The following ETS2 variants were observed in gnomAD, a reference collection of about 807,000 sequenced individuals.
ETS2 encodes the protein protein C-ets-2.
In ETS2, 19 loss-of-function variants were observed where a neutral mutation model predicts 54.9. The ratio of observed to expected loss-of-function variants is 0.35; its 90% CI spans 0.24 to 0.51. The LOEUF (loss-of-function observed/expected upper bound fraction) is 0.51, where lower values mean the gene tolerates loss of function less well. Among genes scored for constraint, ETS2 ranks in the 20% least tolerant of loss-of-function variants. The probability of loss-of-function intolerance (pLI) is 0.97; values close to 1 mark genes in which losing one functional copy is unlikely to be tolerated. For synonymous variants in ETS2, 219 were observed against 229.3 expected (o/e 0.95, Z 0.41); for missense variants, 417 against 593.0 (o/e 0.70, Z 3.08).
rs1442422381 is a variant in ETS2, at chr21:38,806,510, G to C, written c.-1+390G>C. ...GATGTCCCGGCGAACATGATTTCGC[G>C]AACGGGAGTGGGGGCACAGGAGAGC... On this transcript the variant is annotated intron_variant, in intron 1 of 9. Transcript: ENST00000360938. The surrounding 1 kb of genome is among the most constrained non-coding windows in gnomAD (Gnocchi z 4.3). The C allele has an allele frequency of 1.8e-5, 18 of 985,406 alleles. No individual in the cohort carries two copies. The highest frequency in any genetic ancestry group is 2.0e-5 in the Non-Finnish European group (17 of 830,010). 61.0% of individuals were successfully genotyped at this position (985,406 alleles called of 1,614,324 possible).
Position 38,824,173 on chromosome 21 carries a change from G to A in ETS2, c.*1284G>A, listed in dbSNP as rs1379853161. On this transcript the variant is annotated 3_prime_UTR_variant, in exon 10 of 10. Coordinates refer to ENST00000360938, the MANE Select transcript of ETS2 (RefSeq NM_005239.6). ...GTCTTGATGAAACCTCTTGAACGAA[G>A]CACAGTTTGTCCCATCTTTGTTCAC... The A allele has an allele frequency of 6.6e-6, 1 of 152,648 alleles. No homozygotes were observed. The highest frequency in any genetic ancestry group is 1.5e-5 in the Non-Finnish European group (1 of 68,076). 9.5% of individuals were successfully genotyped at this position (152,648 alleles called of 1,614,324 possible).
In ETS2 at chr21:38,817,049, C is replaced by T; in HGVS notation, c.547C>T (p.His183Tyr). Residue 183 changes from histidine (H) to tyrosine (Y), a missense_variant, in exon 6 of 10, where the codon CAC (histidine) becomes TAC (tyrosine). His to Tyr is a moderately conservative substitution (Grantham distance 83). Transcript: ENST00000360938. The stretch of plus-strand genomic sequence containing the variant: ...AGAAGATCAATATGAAGAAAATTCA[C>T]ACCTCACCTCCGTTCCTCATTGGAT... ...KTEDQYEENS[H>Y]LTSVPHWINS... 1 of 1,613,024 alleles carries T rather than the reference C, an allele frequency of 6.2e-7. No individual in the cohort carries two copies. Among genetic ancestry groups the T allele is most frequent in the Non-Finnish European group, 8.5e-7 (1 of 1,179,016 alleles).
At chr21:38,805,230 G>A (rs2060886694), upstream of ETS2, 4 of 816,382 alleles carry the variant, frequency 4.9e-6, no homozygotes, top group South Asian at 5.6e-5. This position sits in a 1 kb window ranked among gnomAD's most constrained non-coding sequence, Gnocchi z 5.2. Context: ...GGAGCAGCGC[G>A]ATCAGCACCA....
chr21:38,807,349 G>C (rs1202440172), intron 1 of ETS2, among the ~76,000 whole-genome samples: 4 of 149,384 alleles, frequency 2.7e-5, no homozygotes, highest in Non-Finnish European at 4.4e-5. Context: ...TAAGGGTACT[G>C]TTGTCAGGCA....
In ETS2 at chr21:38,814,696, G is replaced by C; in HGVS notation, c.305-85G>C. 8.2e-7 allele frequency: 1 copy of C among 1,223,030 alleles called. No homozygotes were observed. Among genetic ancestry groups the C allele is most frequent in the Non-Finnish European group, 1.2e-6 (1 of 840,202 alleles). The allele number at this position is 1,223,030 out of a possible 1,614,324, so 75.8% of individuals were successfully genotyped here. A position where few individuals can be genotyped will look rare whatever the true frequency, so the allele number is the denominator to read the frequency against. On this transcript the variant is annotated intron_variant, in intron 4 of 9. Coordinates refer to ENST00000360938, the MANE Select transcript of ETS2 (RefSeq NM_005239.6). This position sits in a 1 kb window ranked among gnomAD's most constrained non-coding sequence, Gnocchi z 4.2. ...GGGTTCTGGTGTATGTCGGTACTTG[G>C]TGCATAAATTAGGGATGACAGTGGT...
intron 1 of ETS2, among the ~76,000 whole-genome samples, chr21:38,807,096 C>T (rs2060896570): frequency 6.6e-6 from 1 of 152,164 alleles, no homozygotes; most frequent in South Asian, 2.1e-4. Flanking sequence ...TAAATCTCCA[C>T]GTTAAGCTTT....
chr21:38,810,155 C>A, intron 2 of ETS2, 49 bp downstream of exon 2: 1 of 1,176,472 alleles, frequency 8.5e-7, no homozygotes, highest in Non-Finnish European at 1.2e-6. Flanking sequence ...AACTCGATCT[C>A]TAGGAGGAAA....
At position 38,819,677 on chromosome 21, in the gene ETS2, T is replaced by A. The variant is rs759798841; in HGVS notation, c.986T>A (p.Met329Lys). ...SQSLCLNKPT[M>K]SFKDYIQERS... ...TCTCTCTGCCTCAATAAGCCAACCATGTCTTTCAAGGATTACATCCAAGAG... is the reference window on the plus strand; with the variant it reads ...TCTCTCTGCCTCAATAAGCCAACCAAGTCTTTCAAGGATTACATCCAAGAG... Residue 329 changes from methionine (M) to lysine (K), a missense_variant, in exon 8 of 10, where the codon ATG becomes AAG. Met to Lys is a moderately conservative substitution (Grantham distance 95, BLOSUM62 -1). Transcript: ENST00000360938. 8 of 1,613,992 alleles carry A rather than the reference T, an allele frequency of 5.0e-6. No individual in the cohort carries two copies. Among genetic ancestry groups the A allele is most frequent in the Middle Eastern group, 1.6e-4 (1 of 6,084 alleles).
chr21:38,816,962 T>G (rs755794929), intron 5 of ETS2, 46 bp from the exon 6 acceptor site: 1 of 1,038,198 alleles, frequency 9.6e-7, no homozygotes, highest in Non-Finnish European at 1.5e-6. Context: ...TCTGTGTAGT[T>G]TTCACCTACA....
At chr21:38,810,260 G>A (rs766133833) in intron 2 of ETS2, among the ~76,000 whole-genome samples, 154 bp downstream of exon 2, 19 of 152,108 alleles carry the variant, frequency 1.2e-4, no homozygotes, top group Non-Finnish European at 2.6e-4. Context: ...ACTTGCTCTG[G>A]TCCTCAGTTT....
intron 5 of ETS2, 68 bp downstream of exon 5, chr21:38,815,049 G>T: frequency 6.7e-7 from 1 of 1,489,290 alleles, no homozygotes; most frequent in Non-Finnish European, 9.3e-7. Flanking sequence ...GATTGGGAAA[G>T]TCACGTGGGT....
Position 38,806,350 on chromosome 21 carries a change from CG to C in ETS2, c.-1+236del, listed in dbSNP as rs993688822. 4.7e-5 allele frequency: 46 copies of C among 976,876 alleles called. No individual in the cohort carries two copies. In the African/African-American group the frequency reaches 6.5e-4, roughly 14 times the overall value. The allele number at this position is 976,876 out of a possible 1,614,324, so 60.5% of individuals were successfully genotyped here. On this transcript the variant is annotated intron_variant, in intron 1 of 9. Transcript: ENST00000360938. The surrounding 1 kb of genome is among the most constrained non-coding windows in gnomAD (Gnocchi z 4.3). ...GGCCTCCGGGGCTGGCGGGGTCGGC[CG>C]GGGGGTTCCTGCGTGCTAGGGCCGC...
chr21:38,805,771 C>T (rs1010076719), upstream of ETS2: 6 of 793,372 alleles, frequency 7.6e-6, no homozygotes, highest in African/African-American at 1.9e-5. The surrounding 1 kb of genome is among the most constrained non-coding windows in gnomAD (Gnocchi z 5.2). Context: ...TCCTGCCTAC[C>T]TCCCTTCCCC....
In ETS2 at chr21:38,822,980, A is replaced by G; in HGVS notation, c.*91A>G. The G allele has an allele frequency of 1.9e-6, 2 of 1,064,848 alleles. No individual in the cohort carries two copies. The highest frequency in any genetic ancestry group is 2.6e-6 in the Non-Finnish European group (2 of 771,118). The allele number at this position is 1,064,848 out of a possible 1,614,324, so 66.0% of individuals were successfully genotyped here. A position where few individuals can be genotyped will look rare whatever the true frequency, so the allele number is the denominator to read the frequency against. On this transcript the variant is annotated 3_prime_UTR_variant, in exon 10 of 10. Coordinates refer to ENST00000360938, the MANE Select transcript of ETS2 (RefSeq NM_005239.6). ...GCTGCTCCGAGGACCCAGGAAAGGC[A>G]GGATTGAAAATGTCCAGGAAAGTGG...
chr21:38,814,757 C>A lies in ETS2; in HGVS notation c.305-24C>A. The A allele has an allele frequency of 6.2e-7, 1 of 1,607,572 alleles. No homozygotes were observed. The highest frequency in any genetic ancestry group is 1.1e-5 in the South Asian group (1 of 90,860). On this transcript the variant is annotated intron_variant, in intron 4 of 9. Coordinates refer to ENST00000360938, the MANE Select transcript of ETS2 (RefSeq NM_005239.6). The surrounding 1 kb of genome is among the most constrained non-coding windows in gnomAD (Gnocchi z 4.2). ...TTCCACTGTTTTTACCTCATGTGTT[C>A]CATTTTTTCTTCTCTCCTGGTAGAC...
At chr21:38,808,579 G>GGTGTGT (rs1274039519) in intron 1 of ETS2, among the ~76,000 whole-genome samples, 2 of 65,138 alleles carry the variant, frequency 3.1e-5, no homozygotes, top group Admixed American at 1.5e-4. Flanking sequence ...AGCCAAGAGG[G>GGTGTGT]GTGTGTGTGT....
intron 1 of ETS2, 44 bp from the exon 2 acceptor site, chr21:38,809,991 A>G: frequency 7.6e-7 from 1 of 1,307,818 alleles, no homozygotes. Context: ...AGTTTAGTGT[A>G]CTTAATCTTT....
At chr21:38,810,325 G>A (rs1429982169) in intron 2 of ETS2, among the ~76,000 whole-genome samples, 1 of 152,152 alleles carries the variant, frequency 6.6e-6, no homozygotes, top group Non-Finnish European at 1.5e-5. Context: ...TCCACGATAT[G>A]AAACCAAAGG....
At position 38,806,783 on chromosome 21, in the gene ETS2, C is replaced by G. The variant is rs992808556; in HGVS notation, c.-1+663C>G. On this transcript the variant is annotated intron_variant, in intron 1 of 9. Transcript: ENST00000360938. The surrounding 1 kb of genome is among the most constrained non-coding windows in gnomAD (Gnocchi z 4.3). ...TTGCGCTGGGCTGCCTTTATTTTCT[C>G]GTTCCTACAGCATTTGAATGAAGAG... The G allele has an allele frequency of 1.0e-6, 1 of 985,478 alleles. No individual in the cohort carries two copies. The highest frequency in any genetic ancestry group is 4.7e-5 in the South Asian group (1 of 21,292). 61.0% of individuals were successfully genotyped at this position (985,478 alleles called of 1,614,324 possible). A position where few individuals can be genotyped will look rare whatever the true frequency, so the allele number is the denominator to read the frequency against.
Sources: allele counts gnomAD v4.1 joint callset (sites outside exome capture counted in the v4.1 genomes callset), GRCh38; gene constraint gnomAD v4.1.1; non-coding constraint Gnocchi (gnomAD v3.1); transcripts MANE v1.5; gene names NCBI Gene and HGNC (gene_info 2026-07-23, HGNC 2026-07-21).